Variants in PRKCE observed in about 807,000 individuals in gnomAD.
PRKCE encodes protein kinase C epsilon type.
In PRKCE, 16 loss-of-function variants were observed where a neutral mutation model predicts 85.4. The observed-to-expected ratio is 0.19, with a 90% CI of 0.13 to 0.28. The LOEUF (loss-of-function observed/expected upper bound fraction) is 0.28. Ranked by LOEUF, PRKCE falls within the 10% of genes least tolerant of loss-of-function variation. The probability of loss-of-function intolerance (pLI) is 1.00; values close to 1 mark genes in which losing one functional copy is unlikely to be tolerated. For synonymous variants in PRKCE, 388 were observed against 371.5 expected (o/e 1.04, Z -0.51); for missense variants, 573 against 975.2 (o/e 0.59, Z 5.49).
chr2:45,741,773 C>T (rs1306650720), intron 1 of PRKCE, among the ~76,000 whole-genome samples: 1 of 152,174 alleles, frequency 6.6e-6, no homozygotes, highest in Non-Finnish European at 1.5e-5. Context: ...GGAAAGCTGC[C>T]AGCATGACCA....
At chr2:45,729,732 TG>T (rs1264377353) in intron 1 of PRKCE, among the ~76,000 whole-genome samples, 2 of 152,162 alleles carry the variant, frequency 1.3e-5, no homozygotes, top group African/African-American at 2.4e-5. Flanking sequence ...ACATTGGTAG[TG>T]TAATGGATGA....
At chr2:45,758,641 C>G (rs1684200711) in intron 1 of PRKCE, among the ~76,000 whole-genome samples, 1 of 152,218 alleles carries the variant, frequency 6.6e-6, no homozygotes, top group Admixed American at 6.5e-5. Flanking sequence ...CCCCTACTGC[C>G]TAACATAGGT....
chr2:46,161,870 T>A (rs549467862), intron 14 of PRKCE, among the ~76,000 whole-genome samples: 58 of 152,156 alleles, frequency 3.8e-4, no homozygotes, highest in Non-Finnish European at 6.6e-4. Context: ...TTTGAGACTT[T>A]GAGCCAATGA....
chr2:46,162,149 G>A lies in PRKCE; in HGVS notation c.2067+2397G>A, dbSNP rs1170619935. Among the ~76,000 whole-genome samples, 2 of 152,158 alleles carry A rather than the reference G, an allele frequency of 1.3e-5. 1 individual carries two copies. The highest frequency in any genetic ancestry group is 2.9e-5 in the Non-Finnish European group (2 of 68,032). ...GTGTTCCTGTGGGCAGGGGTATGAGGGGGTCTGGGAGCCAGCAGGAGGAAA... is the reference window on the plus strand; with the variant it reads ...GTGTTCCTGTGGGCAGGGGTATGAGAGGGTCTGGGAGCCAGCAGGAGGAAA... On this transcript the variant is annotated intron_variant, in intron 14 of 14. Transcript: ENST00000306156.
chr2:45,899,776 A>T (rs1185740868), intron 2 of PRKCE, among the ~76,000 whole-genome samples: 2 of 152,224 alleles, frequency 1.3e-5, no homozygotes, highest in Non-Finnish European at 2.9e-5. Context: ...TGTGCAGAGC[A>T]TTCCTGCCTG....
intron 2 of PRKCE, among the ~76,000 whole-genome samples, chr2:45,965,568 C>T (rs1417480144): frequency 2.0e-5 from 3 of 152,196 alleles, no homozygotes; most frequent in Non-Finnish European, 4.4e-5. Context: ...ACTATCATGG[C>T]AATTTCTTGC....
chr2:46,052,427 A>G (rs1708913438), intron 10 of PRKCE, among the ~76,000 whole-genome samples: 2 of 152,252 alleles, frequency 1.3e-5, no homozygotes, highest in African/African-American at 4.8e-5. Context: ...TTGCTCAGGA[A>G]TAAATTTGAC....
At position 45,882,408 on chromosome 2, in the gene PRKCE, C is replaced by T. The variant is rs375504682; in HGVS notation, c.412+39345C>T. 8.5e-5 allele frequency among the ~76,000 whole-genome samples: 13 copies of T among 152,280 alleles called. No individual in the cohort carries two copies. The East Asian group carries it at 1.2e-3, about 14-fold the overall frequency. ...AATGCAACATCCTTGCTCTGATGTC[C>T]GCAGTCTCATAGTAGTCTGAAGCCT... On this transcript the variant is annotated intron_variant, in intron 2 of 14. Coordinates refer to ENST00000306156, the MANE Select transcript of PRKCE (RefSeq NM_005400.3).
At chr2:45,746,367 C>T (rs1247131131) in intron 1 of PRKCE, among the ~76,000 whole-genome samples, 1 of 152,264 alleles carries the variant, frequency 6.6e-6, no homozygotes. Context: ...TCTGCTCCTC[C>T]TGCAGCCTTT....
chr2:45,883,041 T>C (rs1694995503), intron 2 of PRKCE, among the ~76,000 whole-genome samples: 1 of 151,910 alleles, frequency 6.6e-6, no homozygotes, highest in Admixed American at 6.5e-5. Flanking sequence ...CACTCTGGGC[T>C]TAAATTTTAG....
At chr2:46,010,841 T>C in intron 10 of PRKCE, 1 of 1,540,566 alleles carries the variant, frequency 6.5e-7, no homozygotes, top group Non-Finnish European at 8.7e-7. Flanking sequence ...CTCCTAACTT[T>C]CTATCACTAA....
At chr2:46,022,713 C>T (rs76711842) in intron 10 of PRKCE, among the ~76,000 whole-genome samples, 272 of 152,368 alleles carry the variant, frequency 1.8e-3, no homozygotes, top group Admixed American at 5.0e-3. Context: ...TTATAGCTGT[C>T]TGTTTAAAGT....
intron 9 of PRKCE, among the ~76,000 whole-genome samples, chr2:46,009,688 T>C (rs1334648850): frequency 6.6e-6 from 1 of 152,186 alleles, no homozygotes; most frequent in Non-Finnish European, 1.5e-5. Context: ...TTGTTTTAAT[T>C]GTGTACAAAA....
chr2:45,717,363 C>G (rs1680224166), intron 1 of PRKCE, among the ~76,000 whole-genome samples: 1 of 152,236 alleles, frequency 6.6e-6, no homozygotes, highest in Non-Finnish European at 1.5e-5. Flanking sequence ...CCCCCTCTCT[C>G]TCAATCAATC....
chr2:46,150,303 G>T (rs1430646147), intron 12 of PRKCE, among the ~76,000 whole-genome samples: 1 of 152,220 alleles, frequency 6.6e-6, no homozygotes, highest in Non-Finnish European at 1.5e-5. Context: ...CAATCAAGGA[G>T]ATGGTTCGAT....
chr2:46,151,151 C>T lies in PRKCE; in HGVS notation c.1842C>T (p.Asp614=). ...QPPFEADNED[D]LFESILHDDV... ...CCTTTGAGGCCGACAATGAGGACGA[C>T]CTATTTGAGTCCATCCTCCATGACG... Residue 614 remains aspartate (D), a synonymous_variant, in exon 13 of 15, where the codon GAC becomes GAT. Transcript: ENST00000306156. 3 of 1,599,566 alleles carry T rather than the reference C, an allele frequency of 1.9e-6. No individual in the cohort carries two copies. Among genetic ancestry groups the T allele is most frequent in the East Asian group, 2.2e-5 (1 of 44,864 alleles).
Position 46,155,497 on chromosome 2 carries a change from G to C in PRKCE, c.1921-4109G>C, listed in dbSNP as rs1313650285. ...TCTCCCACTTCCCACCCTGCACTCAGGGAGGGGTATCCCCAGCCAGACCCA... is the reference window on the plus strand; with the variant it reads ...TCTCCCACTTCCCACCCTGCACTCACGGAGGGGTATCCCCAGCCAGACCCA... On this transcript the variant is annotated intron_variant, in intron 13 of 14. Transcript: ENST00000306156. This position sits in a 1 kb window ranked among gnomAD's most constrained non-coding sequence, Gnocchi z 4.7. 6.6e-6 allele frequency among the ~76,000 whole-genome samples: 1 copy of C among 152,080 alleles called. No individual in the cohort carries two copies. Among genetic ancestry groups the C allele is most frequent in the African/African-American group, 2.4e-5 (1 of 41,416 alleles).
chr2:45,971,556 C>A (rs1702112116), intron 2 of PRKCE, among the ~76,000 whole-genome samples: 1 of 152,090 alleles, frequency 6.6e-6, no homozygotes, highest in African/African-American at 2.4e-5. Context: ...ATCTGTGTAA[C>A]CAGGGTTGAA....
intron 1 of PRKCE, among the ~76,000 whole-genome samples, chr2:45,741,249 G>T (rs1468259766): frequency 6.6e-6 from 1 of 152,106 alleles, no homozygotes; most frequent in Non-Finnish European, 1.5e-5. Flanking sequence ...AGCAATGAGG[G>T]GATATTTTTG....
Sources: allele counts gnomAD v4.1 joint callset (sites outside exome capture counted in the v4.1 genomes callset), GRCh38; gene constraint gnomAD v4.1.1; non-coding constraint Gnocchi (gnomAD v3.1); transcripts MANE v1.5; gene names NCBI Gene and HGNC (gene_info 2026-07-23, HGNC 2026-07-21).